Variants in ZHX3 observed in about 807,000 individuals in gnomAD.
ZHX3 encodes the protein zinc fingers and homeoboxes 3, also known as zinc fingers and homeoboxes protein 3.
ZHX3 carries 20 observed loss-of-function variants against 64.5 expected under a neutral mutation model. The ratio of observed to expected loss-of-function variants is 0.31; its 90% CI spans 0.22 to 0.45. The LOEUF (loss-of-function observed/expected upper bound fraction) is 0.45, where lower values mean the gene tolerates loss of function less well. Ranked by LOEUF, ZHX3 falls within the 20% of genes least tolerant of loss-of-function variation. The pLI is 1.00. For synonymous variants in ZHX3, 423 were observed against 461.6 expected (o/e 0.92, Z 1.07); for missense variants, 1,041 against 1,195.8 (o/e 0.87, Z 1.91).
At position 41,189,832 on chromosome 20, in the gene ZHX3, T is replaced by C. The variant is rs535311485; in HGVS notation, c.2861-4631A>G. On this transcript the variant is annotated intron_variant, in intron 3 of 3. Transcript: ENST00000683867. The stretch of plus-strand genomic sequence containing the variant: ...GATGCCTTTTCTTTCTCTTGCCTGA[T>C]TTCTCTGGCTAGAACTTCCAGTACT... Among the ~76,000 whole-genome samples the C allele has an allele frequency of 6.0e-4, 91 of 152,310 alleles. 1 individual carries two copies. Among genetic ancestry groups the C allele is most frequent in the Non-Finnish European group, 1.1e-3 (77 of 68,022 alleles).
At chr20:41,251,695 A>G (rs1403025859) in intron 2 of ZHX3, among the ~76,000 whole-genome samples, 2 of 152,212 alleles carry the variant, frequency 1.3e-5, no homozygotes, top group Non-Finnish European at 2.9e-5. Context: ...AAAATAGTTA[A>G]GCTAAAAGTA....
intron 2 of ZHX3, among the ~76,000 whole-genome samples, chr20:41,235,183 T>C (rs2040887354): frequency 6.6e-6 from 1 of 152,072 alleles, no homozygotes; most frequent in South Asian, 2.1e-4. Flanking sequence ...ATGTTGGTTC[T>C]ATGGCAAACA....
rs879232077 is a variant in ZHX3, at chr20:41,183,819, A to G, written c.*1372T>C. 2.0e-5 allele frequency: 3 copies of G among 152,214 alleles called. No individual in the cohort carries two copies. Among genetic ancestry groups the G allele is most frequent in the Admixed American group, 2.0e-4 (3 of 15,278 alleles). The allele number at this position is 152,214 out of a possible 1,614,324, so 9.4% of individuals were successfully genotyped here. A position where few individuals can be genotyped will look rare whatever the true frequency, so the allele number is the denominator to read the frequency against. On this transcript the variant is annotated 3_prime_UTR_variant, in exon 4 of 4. Coordinates refer to ENST00000683867, the MANE Select transcript of ZHX3 (RefSeq NM_001384317.1). The surrounding 1 kb of genome is among the most constrained non-coding windows in gnomAD (Gnocchi z 5.3). ...CCGGTCTTGGGGAAATTGAGGATTT[A>G]CCATTTAGAACAGCTCTGTAAGCAA...
chr20:41,268,847 G>A lies in ZHX3; in HGVS notation c.-151+143C>T, dbSNP rs879704781. ...AAAGACTTCAGCAATAAAAAACAAG[G>A]GAGGAGAAAATAATGTTTAATAGCA... is the stretch of plus-strand genomic sequence containing the variant. On this transcript the variant is annotated intron_variant, in intron 2 of 3. Coordinates refer to ENST00000683867, the MANE Select transcript of ZHX3 (RefSeq NM_001384317.1). 5.9e-5 allele frequency: 9 copies of A among 152,074 alleles called. No individual in the cohort carries two copies. The South Asian group carries it at 6.2e-4, about 11-fold the overall frequency. 9.4% of individuals were successfully genotyped at this position (152,074 alleles called of 1,614,324 possible).
intron 1 of ZHX3, among the ~76,000 whole-genome samples, chr20:41,283,614 C>T (rs1034473794): frequency 6.6e-6 from 1 of 152,094 alleles, no homozygotes; most frequent in Non-Finnish European, 1.5e-5. Flanking sequence ...AAAAATTAGC[C>T]AGGCATGGTG....
chr20:41,239,301 G>A (rs1373592003), intron 2 of ZHX3, among the ~76,000 whole-genome samples: 13 of 152,000 alleles, frequency 8.6e-5, no homozygotes, highest in Non-Finnish European at 1.5e-4. Flanking sequence ...GAGCCACCGT[G>A]CCTGGCCAAT....
chr20:41,189,235 T>G (rs1219487755), intron 3 of ZHX3, among the ~76,000 whole-genome samples: 3 of 152,234 alleles, frequency 2.0e-5, no homozygotes, highest in African/African-American at 7.2e-5. Flanking sequence ...TTGTTTTGGT[T>G]ACTATAGCCT....
In ZHX3 at chr20:41,218,695, G is replaced by C. The variant is rs77741323; in HGVS notation, c.-150-13629C>G. Among the ~76,000 whole-genome samples, 697 of 152,290 alleles carry C rather than the reference G, an allele frequency of 4.6e-3. 3 individuals carry two copies. Among genetic ancestry groups the C allele is most frequent in the African/African-American group, 0.016 (672 of 41,562 alleles). On this transcript the variant is annotated intron_variant, in intron 2 of 3. Coordinates refer to ENST00000683867, the MANE Select transcript of ZHX3 (RefSeq NM_001384317.1). ...GTGTGGGCAGGACCTTGGCAGTCCA[G>C]TAAGTGGATGTGCTGGTTGCAATTG...
intron 1 of ZHX3, among the ~76,000 whole-genome samples, chr20:41,273,565 T>G (rs2043247287): frequency 6.6e-6 from 1 of 152,186 alleles, no homozygotes; most frequent in Non-Finnish European, 1.5e-5. Context: ...TTCATTCTTT[T>G]GCATGTAGAT....
rs568911143 is a variant in ZHX3 at position 41,178,711 on chromosome 20, C to A, written c.*6480G>T. On this transcript the variant is annotated 3_prime_UTR_variant, in exon 4 of 4. Transcript: ENST00000683867. ...CCACAGTCCAAACCGAAGTTAAGTT[C>A]CATTTTTTTGTTAAAACGTTTACCC... is the stretch of plus-strand genomic sequence containing the variant. The A allele has an allele frequency of 6.6e-6, 1 of 152,624 alleles. No homozygotes were observed. The allele number at this position is 152,624 out of a possible 1,614,324, so 9.5% of individuals were successfully genotyped here.
At chr20:41,240,553 T>C (rs1189707751) in intron 2 of ZHX3, among the ~76,000 whole-genome samples, 1 of 152,146 alleles carries the variant, frequency 6.6e-6, no homozygotes, top group Non-Finnish European at 1.5e-5. Context: ...TATTTGTAAA[T>C]GTACGATTAT....
intron 2 of ZHX3, among the ~76,000 whole-genome samples, chr20:41,215,974 G>A (rs188845306): frequency 3.6e-4 from 54 of 151,362 alleles, no homozygotes; most frequent in African/African-American, 1.3e-3. Flanking sequence ...GGAAATAATG[G>A]TAGAAGTTGA....
intron 2 of ZHX3, among the ~76,000 whole-genome samples, chr20:41,241,959 TGTC>T (rs2041410368): frequency 6.6e-6 from 1 of 152,182 alleles, no homozygotes; most frequent in African/African-American, 2.4e-5. Flanking sequence ...TTTAAATTAC[TGTC>T]ATTATCAGAT....
At chr20:41,301,370 T>C (rs1162869291) in intron 1 of ZHX3, among the ~76,000 whole-genome samples, 2 of 152,178 alleles carry the variant, frequency 1.3e-5, no homozygotes, top group Admixed American at 1.3e-4. Context: ...GGCTTCTCAC[T>C]GACCTTAGAA....
intron 2 of ZHX3, among the ~76,000 whole-genome samples, chr20:41,260,338 A>G (rs1230122167): frequency 1.3e-5 from 2 of 152,236 alleles, no homozygotes; most frequent in Non-Finnish European, 2.9e-5. Flanking sequence ...GACAACTACA[A>G]GAGCAAAAAT....
At chr20:41,266,682 A>G (rs532374999) in intron 2 of ZHX3, among the ~76,000 whole-genome samples, 1 of 150,362 alleles carries the variant, frequency 6.7e-6, no homozygotes, top group Admixed American at 6.6e-5. Flanking sequence ...AGTAGTTGGG[A>G]CTACAGGCGC....
intron 3 of ZHX3, among the ~76,000 whole-genome samples, chr20:41,186,852 A>G (rs2036563310): frequency 6.6e-6 from 1 of 152,192 alleles, no homozygotes; most frequent in Admixed American, 6.5e-5. Context: ...TAGGAGTTCT[A>G]TACATATTCT....
At chr20:41,216,879 T>C (rs1239795098) in intron 2 of ZHX3, among the ~76,000 whole-genome samples, 1 of 152,220 alleles carries the variant, frequency 6.6e-6, no homozygotes, top group Non-Finnish European at 1.5e-5. Flanking sequence ...TTTTCAGTCT[T>C]TGTTAATTTG....
rs757091266 is a variant in ZHX3, at chr20:41,202,868, T to C, written c.2049A>G (p.Glu683=). The C allele has an allele frequency of 5.0e-6, 8 of 1,614,174 alleles. No homozygotes were observed. The highest frequency in any genetic ancestry group is 1.7e-5 in the Admixed American group (1 of 60,020). ...CACCCTCATCCTCAGCAGCCTCCTC[T>C]TCCTCCTGAGAGGCATTCTCCTCAG... is the stretch of plus-strand genomic sequence containing the variant. ...KKAEENASQE[E]EEAAEDEGGE... The change falls in exon 3 of 4, where the codon GAA becomes GAG. Residue 683 remains glutamate, a synonymous_variant. Coordinates refer to ENST00000683867, the MANE Select transcript of ZHX3 (RefSeq NM_001384317.1). The surrounding 1 kb of genome is among the most constrained non-coding windows in gnomAD (Gnocchi z 7.0).
Sources: gnomAD v4.1 joint callset for allele counts (sites outside exome capture counted in the v4.1 genomes callset) on GRCh38, gnomAD v4.1.1 for gene constraint, Gnocchi (gnomAD v3.1) non-coding constraint, MANE v1.5 for transcripts, NCBI Gene and HGNC (gene_info 2026-07-23, HGNC 2026-07-21) for gene names.